VPS13A: variants seen among roughly 807,000 people sequenced by gnomAD.
VPS13A encodes intermembrane lipid transfer protein VPS13A.
VPS13A carries 264 observed loss-of-function variants against 390.9 expected under a neutral mutation model. That is an observed-to-expected ratio of 0.68 (90% CI 0.61 to 0.75). The LOEUF (loss-of-function observed/expected upper bound fraction) is 0.75. VPS13A is among the 30% of genes least tolerant of loss of function. The probability of loss-of-function intolerance (pLI) is 0.00; values close to 1 mark genes in which losing one functional copy is unlikely to be tolerated. For missense variants in VPS13A, 3,409 were observed against 3,733.9 expected (o/e 0.91, Z 2.27); for synonymous variants, 1,231 against 1,227.1 (o/e 1.00, Z -0.07).
At chr9:77,382,729 C>T (rs1246497678) in intron 68 of VPS13A, 2 of 987,048 alleles carry the variant, frequency 2.0e-6, no homozygotes, top group Admixed American at 1.2e-4. Flanking sequence ...GACCCTCTTC[C>T]TGCTTTATTC....
At chr9:77,260,531 AT>A (rs1825701130) in intron 23 of VPS13A, among the ~76,000 whole-genome samples, 1 of 150,402 alleles carries the variant, frequency 6.6e-6, no homozygotes. Flanking sequence ...AATTTTTTGT[AT>A]TTTTAGCAGA....
At chr9:77,183,867 G>A (rs1824169667) in intron 1 of VPS13A, among the ~76,000 whole-genome samples, 2 of 152,108 alleles carry the variant, frequency 1.3e-5, no homozygotes, top group Non-Finnish European at 2.9e-5. Context: ...AAACAAACTG[G>A]CATATCCATA....
intron 67 of VPS13A, among the ~76,000 whole-genome samples, chr9:77,377,683 T>C (rs1833182751): frequency 6.6e-6 from 1 of 151,982 alleles, no homozygotes; most frequent in Admixed American, 6.6e-5. Flanking sequence ...CTGAGGTAAC[T>C]TTACTTCTTC....
intron 69 of VPS13A, 24 bp downstream of exon 69, chr9:77,403,345 G>T (rs371131768): frequency 6.9e-6 from 11 of 1,585,060 alleles, no homozygotes; most frequent in Non-Finnish European, 8.6e-6. Context: ...TTTCTCTTAC[G>T]TAATTTTATA....
In VPS13A at chr9:77,339,511, T is replaced by TTA; in HGVS notation, c.6379-5_6379-4insTA. On this transcript the variant is annotated splice_region_variant and splice_polypyrimidine_tract_variant and intron_variant, in intron 47 of 71. Coordinates refer to ENST00000360280, the MANE Select transcript of VPS13A (RefSeq NM_033305.3). Reference sequence around the variant, plus strand: ...TTTGTTTTGTTTTTTTTTTTTTTATTACAGGGAATTGAAAATTCGGTTTTT... The same window carrying TTA: ...TTTGTTTTGTTTTTTTTTTTTTTATTTAACAGGGAATTGAAAATTCGGTTTTT... The TTA allele has an allele frequency of 6.5e-7, 1 of 1,534,026 alleles. No homozygotes were observed. Among genetic ancestry groups the TTA allele is most frequent in the Non-Finnish European group, 8.8e-7 (1 of 1,139,446 alleles).
chr9:77,328,756 A>G (rs1830137202), intron 45 of VPS13A, among the ~76,000 whole-genome samples: 1 of 152,190 alleles, frequency 6.6e-6, no homozygotes, highest in Admixed American at 6.5e-5. Context: ...ATACAATTGA[A>G]GAGAGTTAGG....
chr9:77,277,607 C>T (rs1564688950), intron 26 of VPS13A, among the ~76,000 whole-genome samples: 1 of 152,188 alleles, frequency 6.6e-6, no homozygotes, highest in Non-Finnish European at 1.5e-5. Context: ...TAACCCCTGG[C>T]AACTGGTGAT....
chr9:77,278,290 G>A (rs57930680), intron 26 of VPS13A, among the ~76,000 whole-genome samples: 2,276 of 139,760 alleles, frequency 0.016, 41 homozygotes, highest in African/African-American at 0.044. Context: ...TTTCACCATA[G>A]TCTCAATCTC....
chr9:77,221,592 A>T (rs1370662616), intron 13 of VPS13A, among the ~76,000 whole-genome samples: 2 of 152,176 alleles, frequency 1.3e-5, no homozygotes, highest in South Asian at 2.1e-4. Context: ...ATTTGGGTTC[A>T]TGCAAATAGT....
chr9:77,218,978 G>A (rs955050120), intron 10 of VPS13A, among the ~76,000 whole-genome samples: 2 of 152,076 alleles, frequency 1.3e-5, no homozygotes, highest in Non-Finnish European at 2.9e-5. Context: ...CCACACTGAC[G>A]AAGTGAGAAG....
rs71503211 is a variant in VPS13A at position 77,379,065 on chromosome 9, C to CTTTTTTTTT, written c.9078-2895_9078-2887dup. On this transcript the variant is annotated intron_variant, in intron 67 of 71. Transcript: ENST00000360280. ...GTATCATACTTGTATATTTTCAGTC[C>CTTTTTTTTT]TTTTTTTTTTTTTTTTTTTTTTTTG... 1.3e-3 allele frequency among the ~76,000 whole-genome samples: 91 copies of CTTTTTTTTT among 72,428 alleles called. 2 individuals are homozygous for CTTTTTTTTT. Among genetic ancestry groups the CTTTTTTTTT allele is most frequent in the East Asian group, 2.1e-3 (5 of 2,394 alleles). 47.5% of individuals were successfully genotyped at this position (72,428 alleles called of 152,430 possible).
intron 17 of VPS13A, among the ~76,000 whole-genome samples, chr9:77,235,558 C>T (rs992361600): frequency 6.6e-6 from 1 of 152,024 alleles, no homozygotes; most frequent in Non-Finnish European, 1.5e-5. Context: ...CTTTGAGCTT[C>T]TTGGATGTAT....
At chr9:77,327,217 T>A (rs1216644672) in intron 45 of VPS13A, among the ~76,000 whole-genome samples, 1 of 152,176 alleles carries the variant, frequency 6.6e-6, no homozygotes, top group Non-Finnish European at 1.5e-5. Context: ...TTGATTAGGG[T>A]GGGAAGCTAT....
At chr9:77,250,049 C>A (rs182379002) in intron 20 of VPS13A, 48 bp from the exon 21 acceptor site, 1 of 1,598,284 alleles carries the variant, frequency 6.3e-7, no homozygotes, top group Non-Finnish European at 8.6e-7. Flanking sequence ...TTTATACTTA[C>A]ATTTTGAAGT....
Position 77,179,011 on chromosome 9 carries a change from A to T in VPS13A, c.100+1207A>T, listed in dbSNP as rs191499092. On this transcript the variant is annotated intron_variant, in intron 1 of 71. Transcript: ENST00000360280. ...AGTGAGTGGACTACAAAAGCTAGGG[A>T]TATAGTGATAGCTGCTCAGCCTGTT... is the stretch of plus-strand genomic sequence containing the variant. Among the ~76,000 whole-genome samples, 875 of 152,312 alleles carry T rather than the reference A, an allele frequency of 5.7e-3. 11 individuals carry two copies. Among genetic ancestry groups the T allele is most frequent in the African/African-American group, 0.02 (844 of 41,562 alleles).
intron 17 of VPS13A, among the ~76,000 whole-genome samples, chr9:77,236,397 T>A (rs1029685926): frequency 5.9e-5 from 9 of 152,186 alleles, no homozygotes; most frequent in African/African-American, 2.2e-4. Flanking sequence ...CTTTGTACAT[T>A]TTTGTTTAAA....
intron 25 of VPS13A, 75 bp downstream of exon 25, chr9:77,275,727 A>C: frequency 5.4e-6 from 8 of 1,481,070 alleles, no homozygotes; most frequent in Non-Finnish European, 7.5e-6. Flanking sequence ...ATATAGTCTC[A>C]TTGTTAAGAA....
At position 77,308,156 on chromosome 9, in the gene VPS13A, T is replaced by A. The variant is rs1009137225; in HGVS notation, c.4114+58T>A. 1.9e-6 allele frequency: 3 copies of A among 1,560,912 alleles called. No individual in the cohort carries two copies. In the Admixed American group the frequency reaches 5.0e-5, roughly 26 times the overall value. On this transcript the variant is annotated intron_variant, in intron 35 of 71. Coordinates refer to ENST00000360280, the MANE Select transcript of VPS13A (RefSeq NM_033305.3). ...TCCTCTTTCTCTCTTTTTTCTTCTATCTTCTTCCCTCCCCTTCCTTCTGTC... is the reference window on the plus strand; with the variant it reads ...TCCTCTTTCTCTCTTTTTTCTTCTAACTTCTTCCCTCCCCTTCCTTCTGTC...
chr9:77,339,195 C>T (rs538737386), intron 47 of VPS13A: 10 of 268,240 alleles, frequency 3.7e-5, no homozygotes, highest in African/African-American at 1.1e-4. Flanking sequence ...GTCTTTTTGT[C>T]GTTGTTTTAC....
Sources: gnomAD v4.1 joint callset for allele counts (sites outside exome capture counted in the v4.1 genomes callset) on GRCh38, gnomAD v4.1.1 for gene constraint, MANE v1.5 for transcripts, NCBI Gene and HGNC (gene_info 2026-07-23, HGNC 2026-07-21) for gene names.